Variants in HERC4 observed in about 807,000 individuals in gnomAD.
HERC4 encodes probable E3 ubiquitin-protein ligase HERC4.
HERC4 carries 28 observed loss-of-function variants against 124.3 expected under a neutral mutation model. That is an observed-to-expected ratio of 0.23 (90% CI 0.17 to 0.31). The LOEUF (loss-of-function observed/expected upper bound fraction) is 0.31, where lower values mean the gene tolerates loss of function less well. Ranked by LOEUF, HERC4 falls within the 10% of genes least tolerant of loss-of-function variation. The pLI is 1.00. For missense variants in HERC4, 713 were observed against 1,229.3 expected, an observed-to-expected ratio of 0.58 and a Z score of 6.28; for synonymous variants, 407 against 421.5, an observed-to-expected ratio of 0.97 and a Z score of 0.42.
intron 8 of HERC4, among the ~76,000 whole-genome samples, chr10:68,022,413 C>T (rs551703553): frequency 1.3e-4 from 20 of 152,076 alleles, no homozygotes; most frequent in African/African-American, 1.9e-4. Context: ...GCAGGAGAAT[C>T]GCTTGGTCCC....
chr10:67,955,406 C>A, intron 17 of HERC4: 1 of 236,698 alleles, frequency 4.2e-6, no homozygotes, highest in Non-Finnish European at 8.0e-6. Context: ...TAAATCTGAG[C>A]ATTGGTTTTT....
At chr10:67,933,726 C>G (rs893459491) in intron 22 of HERC4, among the ~76,000 whole-genome samples, 1 of 152,068 alleles carries the variant, frequency 6.6e-6, no homozygotes, top group Non-Finnish European at 1.5e-5. Context: ...CAAATAGTAA[C>G]AATCCTAATA....
intron 9 of HERC4, among the ~76,000 whole-genome samples, chr10:68,003,644 T>A (rs1373316699): frequency 1.3e-5 from 2 of 152,176 alleles, no homozygotes; most frequent in Non-Finnish European, 2.9e-5. Flanking sequence ...CTATTTCACT[T>A]AACATAATGT....
intron 9 of HERC4, 165 bp from the exon 10 acceptor site, chr10:67,992,847 A>C (rs1350648285): frequency 3.8e-6 from 2 of 525,614 alleles, no homozygotes; most frequent in Non-Finnish European, 6.8e-6. Flanking sequence ...TATGGGGATG[A>C]GACTGACCAA....
Position 67,988,643 on chromosome 10 carries a change from AAAGG to A in HERC4, c.1806+16_1806+19del. The A allele has an allele frequency of 7.0e-7, 1 of 1,425,038 alleles. No homozygotes were observed. Among genetic ancestry groups the A allele is most frequent in the Middle Eastern group, 1.8e-4 (1 of 5,498 alleles). The allele number at this position is 1,425,038 out of a possible 1,614,324, so 88.3% of individuals were successfully genotyped here. ...AATAGGAATGGGGAAAGAGGAAAATAAAGGAATGATTGGACATACCCTATGTAGT... is the reference window on the plus strand; with the variant it reads ...AATAGGAATGGGGAAAGAGGAAAATAAATGATTGGACATACCCTATGTAGT... On this transcript the variant is annotated intron_variant, in intron 15 of 24. Transcript: ENST00000373700.
intron 8 of HERC4, among the ~76,000 whole-genome samples, chr10:68,023,847 G>A (rs1054994341): frequency 6.6e-6 from 1 of 152,084 alleles, no homozygotes; most frequent in Admixed American, 6.6e-5. Flanking sequence ...AGACCTCCAT[G>A]TAAAAGGCAA....
At chr10:68,019,585 A>T (rs568441059) in intron 8 of HERC4, among the ~76,000 whole-genome samples, 2 of 152,158 alleles carry the variant, frequency 1.3e-5, no homozygotes, top group Non-Finnish European at 2.9e-5. Context: ...GACAACAATT[A>T]CACTGACAGA....
At chr10:68,018,594 A>G (rs971141242) in intron 8 of HERC4, among the ~76,000 whole-genome samples, 3 of 152,210 alleles carry the variant, frequency 2.0e-5, no homozygotes, top group Admixed American at 2.0e-4. Context: ...TACATGAGTA[A>G]GTTATTAATA....
At chr10:67,958,323 A>G (rs141937506) in intron 16 of HERC4, among the ~76,000 whole-genome samples, 3,054 of 152,302 alleles carry the variant, frequency 0.02, 40 homozygotes, top group Non-Finnish European at 0.031. Context: ...CATAAAAACT[A>G]ATTTTACTTC....
intron 24 of HERC4, among the ~76,000 whole-genome samples, chr10:67,923,518 A>AT (rs1031018576): frequency 4.6e-5 from 7 of 151,970 alleles, no homozygotes; most frequent in South Asian, 2.1e-4. Context: ...CGTTTCTGTT[A>AT]TTTTTTTTAA....
intron 3 of HERC4, among the ~76,000 whole-genome samples, chr10:68,071,529 T>C (rs2041575072): frequency 1.3e-5 from 2 of 152,174 alleles, no homozygotes. Context: ...CTCCGTACCA[T>C]GAAAATCTCA....
chr10:67,945,973 C>A (rs1162180522), intron 19 of HERC4, among the ~76,000 whole-genome samples: 1 of 151,976 alleles, frequency 6.6e-6, no homozygotes, highest in East Asian at 1.9e-4. Context: ...TTAAAAATGG[C>A]AGGAATAGCT....
intron 9 of HERC4, among the ~76,000 whole-genome samples, chr10:68,001,580 T>C (rs532571737): frequency 7.0e-4 from 106 of 152,266 alleles, no homozygotes; most frequent in Non-Finnish European, 1.4e-3. Flanking sequence ...TTTTTTATCA[T>C]AAAATATACA....
intron 9 of HERC4, chr10:68,010,067 GC>G (rs1223687271): frequency 3.1e-5 from 18 of 577,428 alleles, no homozygotes; most frequent in Non-Finnish European, 5.7e-5. Context: ...AAACTCCCCT[GC>G]CCCCACCCTT....
chr10:67,960,819 T>C (rs2034469299), intron 16 of HERC4: 1 of 262,074 alleles, frequency 3.8e-6, no homozygotes, highest in Non-Finnish European at 7.3e-6. Context: ...TTTTCCCAGT[T>C]CAAACTTGGG....
intron 23 of HERC4, among the ~76,000 whole-genome samples, chr10:67,927,405 TATATATATATATATATATATATA>T (rs1398048076): frequency 0.029 from 323 of 10,972 alleles, 19 homozygotes; most frequent in African/African-American, 0.038. Flanking sequence ...TATATATATA[TATATATATATATATATATATATA>T]TATTTTTTTT....
intron 6 of HERC4, 22 bp downstream of exon 6, chr10:68,033,943 A>ACT (rs1455437167): frequency 3.1e-6 from 5 of 1,593,034 alleles, no homozygotes; most frequent in African/African-American, 2.7e-5. Context: ...GTACACTTAA[A>ACT]CTATACATAA....
chr10:67,939,861 T>C (rs1283815192), intron 20 of HERC4, among the ~76,000 whole-genome samples: 1 of 151,988 alleles, frequency 6.6e-6, no homozygotes, highest in Non-Finnish European at 1.5e-5. Flanking sequence ...TAGTAAAAGG[T>C]TCTTATCACT....
At chr10:67,942,201 C>A (rs536285323) in intron 19 of HERC4, among the ~76,000 whole-genome samples, 68 of 152,152 alleles carry the variant, frequency 4.5e-4, no homozygotes, top group Non-Finnish European at 8.8e-4. Context: ...GTTTAGCAGT[C>A]TAGCCTCTGT....
Sources: gnomAD v4.1 joint callset for allele counts (sites outside exome capture counted in the v4.1 genomes callset) on GRCh38, gnomAD v4.1.1 for gene constraint, MANE v1.5 for transcripts, NCBI Gene and HGNC (gene_info 2026-07-23, HGNC 2026-07-21) for gene names.